The following THSD4 variants were observed in gnomAD, a reference collection of about 807,000 sequenced individuals.
The protein encoded by THSD4 is thrombospondin type-1 domain-containing protein 4.
In THSD4, 69 loss-of-function variants were observed where a neutral mutation model predicts 119.0. The ratio of observed to expected loss-of-function variants is 0.58; its 90% CI spans 0.48 to 0.71. The LOEUF is 0.71. Ranked by LOEUF, THSD4 falls within the 30% of genes least tolerant of loss-of-function variation. THSD4 has a pLI of 0.00. For synonymous variants in THSD4, 524 were observed against 540.4 expected, an observed-to-expected ratio of 0.97 and a Z score of 0.42; for missense variants, 1,393 against 1,391.1, an observed-to-expected ratio of 1.00 and a Z score of -0.02.
At chr15:71,559,111 G>A (rs1471208331) in intron 7 of THSD4, among the ~76,000 whole-genome samples, 1 of 152,154 alleles carries the variant, frequency 6.6e-6, no homozygotes. Flanking sequence ...CAAGTCTTCT[G>A]TGTCTTTTCT....
At chr15:71,112,064 A>G, upstream of THSD4, 1 of 1,600,286 alleles carries the variant, frequency 6.2e-7, no homozygotes, top group South Asian at 1.1e-5. Flanking sequence ...CGTTGCTCTT[A>G]TTCCAGTTCC....
chr15:71,381,535 T>G (rs1443670596), intron 6 of THSD4, among the ~76,000 whole-genome samples: 1 of 152,234 alleles, frequency 6.6e-6, no homozygotes. Context: ...ATCTTAAGGT[T>G]GTCAGAAACC....
intron 7 of THSD4, among the ~76,000 whole-genome samples, chr15:71,450,965 G>A (rs1011018751): frequency 2.0e-5 from 3 of 152,168 alleles, no homozygotes; most frequent in African/African-American, 7.2e-5. Flanking sequence ...ATTGCTTGAG[G>A]TCAGGAGTTT....
chr15:71,614,030 C>T (rs1198559009), intron 7 of THSD4, among the ~76,000 whole-genome samples: 5 of 152,150 alleles, frequency 3.3e-5, no homozygotes, highest in Non-Finnish European at 7.4e-5. Flanking sequence ...TCCAGACAGC[C>T]AATTTCTGTG....
intron 7 of THSD4, among the ~76,000 whole-genome samples, chr15:71,631,093 G>A (rs548243021): frequency 1.3e-5 from 2 of 152,264 alleles, no homozygotes; most frequent in African/African-American, 2.4e-5. Flanking sequence ...TGCATTGGAT[G>A]GCTTGGAAAA....
chr15:71,625,806 G>C (rs1306425101), intron 7 of THSD4, among the ~76,000 whole-genome samples: 1 of 152,208 alleles, frequency 6.6e-6, no homozygotes, highest in Non-Finnish European at 1.5e-5. Context: ...CCAGGGTGGA[G>C]GGGGTGGAGA....
intron 1 of THSD4, among the ~76,000 whole-genome samples, chr15:71,127,552 T>A (rs530372683): frequency 3.0e-4 from 46 of 152,382 alleles, no homozygotes; most frequent in Admixed American, 1.2e-3. Flanking sequence ...GATTTTCTTT[T>A]TCTCCACATA....
chr15:71,372,792 T>C (rs893991674), intron 6 of THSD4, among the ~76,000 whole-genome samples: 2 of 152,196 alleles, frequency 1.3e-5, no homozygotes, highest in African/African-American at 4.8e-5. Flanking sequence ...GAACCACTAC[T>C]CTCTTGAAAG....
At chr15:71,351,109 C>T (rs2045738438) in intron 6 of THSD4, among the ~76,000 whole-genome samples, 1 of 152,052 alleles carries the variant, frequency 6.6e-6, no homozygotes, top group African/African-American at 2.4e-5. Flanking sequence ...GGGGAACTGC[C>T]CTGAGGAGTA....
chr15:71,502,536 C>A (rs2048127308), intron 7 of THSD4, among the ~76,000 whole-genome samples: 1 of 152,114 alleles, frequency 6.6e-6, no homozygotes, highest in South Asian at 2.1e-4. Flanking sequence ...TTTAAATGAA[C>A]TGAGTGCAGT....
chr15:71,459,694 T>G (rs919522689), intron 7 of THSD4, among the ~76,000 whole-genome samples: 25 of 152,078 alleles, frequency 1.6e-4, no homozygotes, highest in Non-Finnish European at 3.2e-4. Context: ...ATATACAAAC[T>G]TAGGAATGAA....
chr15:71,418,320 A>C lies in THSD4; in HGVS notation c.1152+6497A>C, dbSNP rs1306994565. Among the ~76,000 whole-genome samples, 6 of 108,342 alleles carry C rather than the reference A, an allele frequency of 5.5e-5. 2 individuals are homozygous for C. Among genetic ancestry groups the C allele is most frequent in the African/African-American group, 1.9e-4 (6 of 31,784 alleles). The allele number at this position is 108,342 out of a possible 152,430, so 71.1% of individuals were successfully genotyped here. A position where few individuals can be genotyped will look rare whatever the true frequency, so the allele number is the denominator to read the frequency against. ...TTGAATAACAGTAGTGAAAGTGAGC[A>C]TCCTTGTCTTGTTCCAGATCTTAGA... is the stretch of plus-strand genomic sequence containing the variant. On this transcript the variant is annotated intron_variant, in intron 7 of 17. Transcript: ENST00000261862.
intron 7 of THSD4, among the ~76,000 whole-genome samples, chr15:71,478,442 C>T (rs188116913): frequency 2.0e-5 from 3 of 152,264 alleles, no homozygotes; most frequent in Admixed American, 1.3e-4. Context: ...CATACAGTAT[C>T]TGTGAGGATC....
At chr15:71,146,760 G>T (rs1195260522) in intron 2 of THSD4, among the ~76,000 whole-genome samples, 1 of 152,158 alleles carries the variant, frequency 6.6e-6, no homozygotes, top group Admixed American at 6.5e-5. Context: ...AGGCATAGAG[G>T]CTAGGAGGAA....
chr15:71,286,198 GTTTGTTACATAGCTAAA>G (rs2044716194), intron 6 of THSD4, among the ~76,000 whole-genome samples: 1 of 152,066 alleles, frequency 6.6e-6, no homozygotes, highest in Non-Finnish European at 1.5e-5. Flanking sequence ...GGATGTGTAG[GTTTGTTACATAGCTAAA>G]TGTGCGTCAT....
intron 7 of THSD4, among the ~76,000 whole-genome samples, chr15:71,617,948 A>T (rs1357751015): frequency 6.6e-6 from 1 of 152,174 alleles, no homozygotes; most frequent in Admixed American, 6.5e-5. Flanking sequence ...GGGGCCATTT[A>T]CCAATTCCCC....
At position 71,331,800 on chromosome 15, in the gene THSD4, A is replaced by G. The variant is rs115573336; in HGVS notation, c.1015+75085A>G. 5.4e-3 allele frequency among the ~76,000 whole-genome samples: 814 copies of G among 152,040 alleles called. 6 individuals carry two copies. The highest frequency in any genetic ancestry group is 0.018 in the African/African-American group (763 of 41,416). On this transcript the variant is annotated intron_variant, in intron 6 of 17. Transcript: ENST00000261862. ...TCACAAATAGCTAATATTGAATTAC[A>G]ATGCATTCCTTGCCCCCCCCTCCCC...
intron 7 of THSD4, among the ~76,000 whole-genome samples, chr15:71,622,131 G>C (rs1273810079): frequency 6.6e-6 from 1 of 152,054 alleles, no homozygotes; most frequent in Non-Finnish European, 1.5e-5. Flanking sequence ...TTGAAGGCTG[G>C]GTTTGATTTC....
chr15:71,643,276 A>G (rs1205672867), intron 7 of THSD4, among the ~76,000 whole-genome samples: 2 of 152,084 alleles, frequency 1.3e-5, no homozygotes, highest in African/African-American at 4.8e-5. Context: ...TTTTAAAACC[A>G]CTAATGTGTT....
Sources: allele counts gnomAD v4.1 joint callset (sites outside exome capture counted in the v4.1 genomes callset), GRCh38; gene constraint gnomAD v4.1.1; transcripts MANE v1.5; gene names NCBI Gene and HGNC (gene_info 2026-07-23, HGNC 2026-07-21).